Variants in CD276 observed in about 807,000 individuals in gnomAD.
CD276 encodes CD276 molecule.
In CD276, 34 loss-of-function variants were observed where a neutral mutation model predicts 50.0. The ratio of observed to expected loss-of-function variants is 0.68; its 90% CI spans 0.52 to 0.91. The LOEUF (loss-of-function observed/expected upper bound fraction) is 0.91, where lower values mean the gene tolerates loss of function less well. CD276 is among the 40% of genes least tolerant of loss of function. The probability of loss-of-function intolerance (pLI) is 0.00; values close to 1 mark genes in which losing one functional copy is unlikely to be tolerated. For synonymous variants in CD276, 275 were observed against 313.0 expected (o/e 0.88, Z 1.28); for missense variants, 634 against 717.5 (o/e 0.88, Z 1.33).
At position 73,708,492 on chromosome 15, in the gene CD276, G is replaced by A; in HGVS notation, c.1504+19G>A. ...AATGCAGGTGAGTGTGTGTGTATGT[G>A]TGTGCGTGCGCATGCACACTTATGT... On this transcript the variant is annotated intron_variant, in intron 7 of 9. Coordinates refer to ENST00000318443, the MANE Select transcript of CD276 (RefSeq NM_001024736.2). 3 of 1,609,294 alleles carry A rather than the reference G, an allele frequency of 1.9e-6. No homozygotes were observed. The highest frequency in any genetic ancestry group is 1.7e-6 in the Non-Finnish European group (2 of 1,177,676).
Position 73,714,004 on chromosome 15 carries a change from C to T in CD276, c.*1048C>T, listed in dbSNP as rs1179716551. ...TTGCAGGGGGCTCCTGCCTGGCTCC[C>T]TGCTCCACACCTCCTCTGTGGCTCA... On this transcript the variant is annotated 3_prime_UTR_variant, in exon 10 of 10. Transcript: ENST00000318443. 1 of 305,118 alleles carries T rather than the reference C, an allele frequency of 3.3e-6. No homozygotes were observed. Among genetic ancestry groups the T allele is most frequent in the African/African-American group, 2.3e-5 (1 of 42,568 alleles). The allele number at this position is 305,118 out of a possible 1,614,324, so 18.9% of individuals were successfully genotyped here.
rs1397156732 is a variant in CD276 at position 73,704,227 on chromosome 15, C to T, written c.1124C>T (p.Pro375Leu). The change falls in exon 6 of 10, where the codon CCA (proline) becomes CTA (leucine). Residue 375 changes from proline to leucine, a missense_variant. By Grantham distance (98) the Pro-to-Leu change is moderately conservative. Transcript: ENST00000318443. This position sits in a 1 kb window ranked among gnomAD's most constrained non-coding sequence, Gnocchi z 4.1. ...CTGGAGCCCAACAAGGACCTGCGGC[C>T]AGGGGACACGGTGACCATCACGTGC... ...MTLEPNKDLR[P>L]GDTVTITCSS... 4 of 1,614,038 alleles carry T rather than the reference C, an allele frequency of 2.5e-6. No individual in the cohort carries two copies. The highest frequency in any genetic ancestry group is 2.5e-6 in the Non-Finnish European group (3 of 1,180,040).
At chr15:73,709,800 T>C in intron 8 of CD276, 111 bp downstream of exon 8, 1 of 1,115,170 alleles carries the variant, frequency 9.0e-7, no homozygotes. Flanking sequence ...TTGAATGAAA[T>C]GTGTTCTGTG....
intron 1 of CD276, chr15:73,686,344 G>T (rs1479573188): frequency 2.0e-6 from 2 of 977,308 alleles, no homozygotes; most frequent in Non-Finnish European, 2.4e-6. Flanking sequence ...GTGAGAAGGG[G>T]TGTTGGAATC....
rs376012723 is a variant in CD276, at chr15:73,704,502, C to T, written c.1369+30C>T. The T allele has an allele frequency of 1.3e-4, 213 of 1,593,844 alleles. No individual in the cohort carries two copies. The African/African-American group carries it at 1.5e-3, about 11-fold the overall frequency. On this transcript the variant is annotated intron_variant, in intron 6 of 9. Coordinates refer to ENST00000318443, the MANE Select transcript of CD276 (RefSeq NM_001024736.2). This position sits in a 1 kb window ranked among gnomAD's most constrained non-coding sequence, Gnocchi z 4.1. ...GGGCAGATGAACAGCTGGGGAAGGA[C>T]GGAGCGAGTAACTCCCTCTTTACTG... is the stretch of plus-strand genomic sequence containing the variant.
Position 73,702,293 on chromosome 15 carries a change from G to A in CD276, c.118G>A (p.Ala40Thr). 6.2e-7 allele frequency: 1 copy of A among 1,612,792 alleles called. No individual in the cohort carries two copies. Among genetic ancestry groups the A allele is most frequent in the Non-Finnish European group, 8.5e-7 (1 of 1,179,732 alleles). ...EVQVPEDPVV[A>T]LVGTDATLCC... is the part of the protein sequence containing the mutation. ...CCAGGTCCCTGAAGACCCAGTGGTGGCACTGGTGGGCACCGATGCCACCCT... is the reference window on the plus strand; with the variant it reads ...CCAGGTCCCTGAAGACCCAGTGGTGACACTGGTGGGCACCGATGCCACCCT... Residue 40 changes from alanine to threonine, a missense_variant, in exon 3 of 10, where the codon GCA becomes ACA. Coordinates refer to ENST00000318443, the MANE Select transcript of CD276 (RefSeq NM_001024736.2).
intron 8 of CD276, among the ~76,000 whole-genome samples, chr15:73,710,341 A>G (rs1336644697): frequency 6.6e-6 from 1 of 152,204 alleles, no homozygotes; most frequent in African/African-American, 2.4e-5. Flanking sequence ...CCCTGCCCTG[A>G]TGGCACCAGA....
At chr15:73,685,283 A>G (rs1017435358) in intron 1 of CD276, among the ~76,000 whole-genome samples, 1 of 152,176 alleles carries the variant, frequency 6.6e-6, no homozygotes, top group Non-Finnish European at 1.5e-5. Flanking sequence ...TCCAGCGCCC[A>G]GGGCCCTCCC....
In CD276 at chr15:73,704,167, C is replaced by T; in HGVS notation, c.1073-9C>T. 6.2e-7 allele frequency: 1 copy of T among 1,608,162 alleles called. No homozygotes were observed. The highest frequency in any genetic ancestry group is 8.5e-7 in the Non-Finnish European group (1 of 1,176,784). The stretch of plus-strand genomic sequence containing the variant: ...CCTGCCCTTGACCCCTGCCCTCTGT[C>T]ACCTCCAGCTCCCTACTCGAAGCCC... On this transcript the variant is annotated splice_polypyrimidine_tract_variant and intron_variant, in intron 5 of 9. Coordinates refer to ENST00000318443, the MANE Select transcript of CD276 (RefSeq NM_001024736.2). This position sits in a 1 kb window ranked among gnomAD's most constrained non-coding sequence, Gnocchi z 4.1.
chr15:73,710,903 A>C (rs1900872484), intron 8 of CD276, among the ~76,000 whole-genome samples: 1 of 152,152 alleles, frequency 6.6e-6, no homozygotes, highest in Admixed American at 6.6e-5. Flanking sequence ...CATTCTATAG[A>C]TGCAGAAAAC....
intron 6 of CD276, among the ~76,000 whole-genome samples, chr15:73,705,763 CA>C (rs1239320681): frequency 6.6e-6 from 1 of 151,990 alleles, no homozygotes; most frequent in Non-Finnish European, 1.5e-5. Context: ...CCTCCAGGGG[CA>C]AATGGGAGCT....
chr15:73,697,664 G>T (rs1900228798), intron 1 of CD276: 1 of 151,420 alleles, frequency 6.6e-6, no homozygotes, highest in Non-Finnish European at 1.5e-5. Context: ...CGCCTCCTGG[G>T]TTCAAGCAAT....
At position 73,712,924 on chromosome 15, in the gene CD276, T is replaced by C. The variant is rs759458467; in HGVS notation, c.1583-10T>C. ...CCTTCCCTTTTTTTTCTTCCCATCA[T>C]GAAATGAAGATGATGGACAAGAAAT... On this transcript the variant is annotated splice_polypyrimidine_tract_variant and intron_variant, in intron 9 of 9. Transcript: ENST00000318443. The C allele has an allele frequency of 5.8e-5, 93 of 1,613,614 alleles. 4 individuals are homozygous for C. The South Asian group carries it at 9.9e-4, about 17-fold the overall frequency.
At chr15:73,684,489 G>T in intron 1 of CD276, 29 bp downstream of exon 1, 1 of 153,332 alleles carries the variant, frequency 6.5e-6, no homozygotes, top group South Asian at 2.0e-4. Flanking sequence ...CGGGCGGCGC[G>T]GGGTGGGGCG....
At chr15:73,709,423 G>A in intron 7 of CD276, 1 of 533,020 alleles carries the variant, frequency 1.9e-6, no homozygotes, top group Admixed American at 3.6e-5. Flanking sequence ...GTAGTTTTTG[G>A]CTGGGTGAGT....
rs556104145 is a variant in CD276 at position 73,687,804 on chromosome 15, C to T, written c.-55+3344C>T. Among the ~76,000 whole-genome samples, 22 of 152,244 alleles carry T rather than the reference C, an allele frequency of 1.4e-4. No individual in the cohort carries two copies. The highest frequency in any genetic ancestry group is 4.3e-4 in the African/African-American group (18 of 41,526). ...CTCTAGGCATAGGGAGCTTAATCTG[C>T]GGGAAGTGGAGTGAGAAGCATTTCT... On this transcript the variant is annotated intron_variant, in intron 1 of 9. Transcript: ENST00000318443. The surrounding 1 kb of genome is among the most constrained non-coding windows in gnomAD (Gnocchi z 4.0).
chr15:73,712,437 G>C (rs1175471000), intron 9 of CD276, among the ~76,000 whole-genome samples: 1 of 152,220 alleles, frequency 6.6e-6, no homozygotes, highest in Non-Finnish European at 1.5e-5. Context: ...TGCAGAGTGG[G>C]GTCTGAAAGA....
intron 2 of CD276, among the ~76,000 whole-genome samples, chr15:73,700,878 C>T (rs1377729377): frequency 4.8e-4 from 2 of 4,156 alleles, no homozygotes; most frequent in Admixed American, 2.8e-3. Flanking sequence ...TGGGGGGGTT[C>T]GCTTCCCCTC....
Position 73,690,693 on chromosome 15 carries a change from C to G in CD276, c.-55+6233C>G, listed in dbSNP as rs184185211. On this transcript the variant is annotated intron_variant, in intron 1 of 9. Transcript: ENST00000318443. ...CAGGCCCCACCTCTTAATACTGTTACAGTGGCAATTAAATTTCAACATGAG... is the reference window on the plus strand; with the variant it reads ...CAGGCCCCACCTCTTAATACTGTTAGAGTGGCAATTAAATTTCAACATGAG... 5.3e-5 allele frequency: 24 copies of G among 455,992 alleles called. No homozygotes were observed. In the East Asian group the frequency reaches 7.7e-4, roughly 15 times the overall value. The allele number at this position is 455,992 out of a possible 1,614,324, so 28.2% of individuals were successfully genotyped here. A position where few individuals can be genotyped will look rare whatever the true frequency, so the allele number is the denominator to read the frequency against.
Sources: allele counts gnomAD v4.1 joint callset (sites outside exome capture counted in the v4.1 genomes callset), GRCh38; gene constraint gnomAD v4.1.1; non-coding constraint Gnocchi (gnomAD v3.1); transcripts MANE v1.5; gene names NCBI Gene and HGNC (gene_info 2026-07-23, HGNC 2026-07-21).